FAM131C: variants seen among roughly 807,000 people sequenced by gnomAD.
The protein encoded by FAM131C is protein FAM131C.
Under a neutral mutation model 29.8 loss-of-function variants are expected in FAM131C, and 14 were observed. The observed-to-expected ratio is 0.47, with a 90% CI of 0.31 to 0.73. The LOEUF is 0.73. Ranked by LOEUF, FAM131C falls within the 30% of genes least tolerant of loss-of-function variation. The probability of loss-of-function intolerance (pLI) is 0.05; values close to 1 mark genes in which losing one functional copy is unlikely to be tolerated. For missense variants in FAM131C, 252 were observed against 383.8 expected, an observed-to-expected ratio of 0.66 and a Z score of 2.87; for synonymous variants, 86 against 157.8, an observed-to-expected ratio of 0.54 and a Z score of 3.41.
chr1:16,060,088 A>G, intron 4 of FAM131C, 37 bp from the exon 5 acceptor site: 1 of 1,167,422 alleles, frequency 8.6e-7, no homozygotes, highest in Non-Finnish European at 1.2e-6. Context: ...CTGTCCTGAC[A>G]CAAGGCTCAG....
intron 1 of FAM131C, among the ~76,000 whole-genome samples, chr1:16,068,177 C>T (rs1428159791): frequency 1.3e-5 from 2 of 152,238 alleles, no homozygotes; most frequent in Non-Finnish European, 2.9e-5. Flanking sequence ...CCGGGCTCTG[C>T]CCTTGGCTCT....
chr1:16,073,598 C>A lies in FAM131C; in HGVS notation c.-156G>T, dbSNP rs575476195. 2 of 251,360 alleles carry A rather than the reference C, an allele frequency of 8.0e-6. No individual in the cohort carries two copies. Among genetic ancestry groups the A allele is most frequent in the South Asian group, 1.6e-4 (1 of 6,238 alleles). The allele number at this position is 251,360 out of a possible 1,614,324, so 15.6% of individuals were successfully genotyped here. A position where few individuals can be genotyped will look rare whatever the true frequency, so the allele number is the denominator to read the frequency against. On this transcript the variant is annotated 5_prime_UTR_variant, in exon 1 of 7. Transcript: ENST00000375662. The stretch of plus-strand genomic sequence containing the variant: ...GCTCGGCCTCAGCTCCAGCCTGGGT[C>A]GTCCCTGCTGCCGCCGCGCCCGGCT...
In FAM131C at chr1:16,073,503, T is replaced by A. The variant is rs900381280; in HGVS notation, c.-61A>T. The A allele has an allele frequency of 1.9e-6, 2 of 1,075,962 alleles. No homozygotes were observed. The highest frequency in any genetic ancestry group is 1.7e-5 in the African/African-American group (1 of 60,506). The allele number at this position is 1,075,962 out of a possible 1,614,324, so 66.7% of individuals were successfully genotyped here. ...TGCGTGGGGCCGCGGGGCGTTCATG[T>A]CTCCGCGGGCCCGGGGCTGAGCGCT... On this transcript the variant is annotated 5_prime_UTR_variant, in exon 1 of 7. Transcript: ENST00000375662.
At chr1:16,069,762 C>A (rs1034639235) in intron 1 of FAM131C, among the ~76,000 whole-genome samples, 35 of 152,216 alleles carry the variant, frequency 2.3e-4, no homozygotes, top group African/African-American at 8.2e-4. Flanking sequence ...TGGCCATATA[C>A]TTAGCACCTC....
intron 1 of FAM131C, among the ~76,000 whole-genome samples, chr1:16,070,812 T>C (rs1482335629): frequency 2.0e-5 from 3 of 152,204 alleles, no homozygotes; most frequent in South Asian, 2.1e-4. Flanking sequence ...AACACTGAGA[T>C]ACACACACAA....
chr1:16,063,825 G>A (rs563530546), intron 1 of FAM131C, among the ~76,000 whole-genome samples, 189 bp from the exon 2 acceptor site: 7 of 150,998 alleles, frequency 4.6e-5, no homozygotes, highest in South Asian at 2.1e-4. Flanking sequence ...GCCCCTCAGC[G>A]GGAATTACTG....
At position 16,058,359 on chromosome 1, in the gene FAM131C, C is replaced by G. The variant is rs564741869; in HGVS notation, c.*78G>C. ...TCAAGGGATGCCCTGCCCTGGACCC[C>G]GGGGTCCAGATATGCCTGGGCTGCC... On this transcript the variant is annotated 3_prime_UTR_variant, in exon 7 of 7. Coordinates refer to ENST00000375662, the MANE Select transcript of FAM131C (RefSeq NM_182623.3). 4.4e-5 allele frequency: 60 copies of G among 1,377,588 alleles called. No individual in the cohort carries two copies. Among genetic ancestry groups the G allele is most frequent in the Non-Finnish European group, 5.6e-5 (58 of 1,042,584 alleles). 85.3% of individuals were successfully genotyped at this position (1,377,588 alleles called of 1,614,324 possible).
At chr1:16,071,950 C>T (rs575177532) in intron 1 of FAM131C, among the ~76,000 whole-genome samples, 58 of 152,226 alleles carry the variant, frequency 3.8e-4, no homozygotes, top group Non-Finnish European at 7.3e-4. Flanking sequence ...TGAGGAAACA[C>T]TCAGATCCCC....
In FAM131C at chr1:16,058,370, T is replaced by C. The variant is rs2023517633; in HGVS notation, c.*67A>G. 7.1e-7 allele frequency: 1 copy of C among 1,398,966 alleles called. No homozygotes were observed. Among genetic ancestry groups the C allele is most frequent in the Non-Finnish European group, 9.4e-7 (1 of 1,059,616 alleles). The allele number at this position is 1,398,966 out of a possible 1,614,324, so 86.7% of individuals were successfully genotyped here. A position where few individuals can be genotyped will look rare whatever the true frequency, so the allele number is the denominator to read the frequency against. ...CCTGCCCTGGACCCCGGGGTCCAGA[T>C]ATGCCTGGGCTGCCCACCAGGCGAG... On this transcript the variant is annotated 3_prime_UTR_variant, in exon 7 of 7. Transcript: ENST00000375662.
In FAM131C at chr1:16,058,218, T is replaced by C. The variant is rs2023514361; in HGVS notation, c.*219A>G. ...GAAGGTGCCCACCTGAGTGAAGTAA[T>C]GAAGGGGGAGGGGGTTATGGCTCCC... On this transcript the variant is annotated 3_prime_UTR_variant, in exon 7 of 7. Transcript: ENST00000375662. 3 of 404,310 alleles carry C rather than the reference T, an allele frequency of 7.4e-6. No homozygotes were observed. The highest frequency in any genetic ancestry group is 4.2e-5 in the Admixed American group (1 of 23,960). 25.0% of individuals were successfully genotyped at this position (404,310 alleles called of 1,614,324 possible). A position where few individuals can be genotyped will look rare whatever the true frequency, so the allele number is the denominator to read the frequency against.
intron 1 of FAM131C, among the ~76,000 whole-genome samples, chr1:16,069,351 G>A (rs997708175): frequency 6.6e-6 from 1 of 152,214 alleles, no homozygotes; most frequent in East Asian, 1.9e-4. Context: ...CTCAGTGCCT[G>A]GTGTAGGACT....
At chr1:16,060,444 A>G (rs1469711620) in intron 4 of FAM131C, among the ~76,000 whole-genome samples, 1 of 137,280 alleles carries the variant, frequency 7.3e-6, no homozygotes, top group Non-Finnish European at 1.6e-5. Context: ...CCACCCAAGG[A>G]CCACTCATGA....
rs2023573764 is a variant in FAM131C, at chr1:16,060,066, G to A, written c.269-15C>T. On this transcript the variant is annotated splice_polypyrimidine_tract_variant and intron_variant, in intron 4 of 6. Transcript: ENST00000375662. Reference sequence around the variant, plus strand: ...CTGCACCACCCCTGGGGCATGGAGGGCATCTGGGTGACTGTCCTGACACAA... The same window carrying A: ...CTGCACCACCCCTGGGGCATGGAGGACATCTGGGTGACTGTCCTGACACAA... The A allele has an allele frequency of 3.8e-6, 5 of 1,326,474 alleles. No homozygotes were observed. The highest frequency in any genetic ancestry group is 5.1e-6 in the Non-Finnish European group (5 of 980,842). 82.2% of individuals were successfully genotyped at this position (1,326,474 alleles called of 1,614,324 possible).
At chr1:16,062,449 C>G (rs60570545) in intron 3 of FAM131C, 50 bp downstream of exon 3, 3 of 1,477,646 alleles carry the variant, frequency 2.0e-6, no homozygotes, top group Non-Finnish European at 2.7e-6. Context: ...ATGGAGGGGC[C>G]GTGGTGTCAG....
At chr1:16,065,482 TG>T (rs1323088463) in intron 1 of FAM131C, among the ~76,000 whole-genome samples, 1 of 152,228 alleles carries the variant, frequency 6.6e-6, no homozygotes. Flanking sequence ...GGGGACCATG[TG>T]GGTGCTGCCC....
At chr1:16,062,392 C>CG (rs2023613921) in intron 3 of FAM131C, 107 bp downstream of exon 3, 6 of 1,291,204 alleles carry the variant, frequency 4.6e-6, no homozygotes, top group African/African-American at 1.6e-5. Context: ...CCCCCCCCCC[C>CG]CCGCCCCAGG....
At chr1:16,069,826 A>G (rs2023730070) in intron 1 of FAM131C, among the ~76,000 whole-genome samples, 1 of 152,136 alleles carries the variant, frequency 6.6e-6, no homozygotes, top group Admixed American at 6.5e-5. Context: ...CGGTGGAGTA[A>G]TCACAGCTCA....
Position 16,073,418 on chromosome 1 carries a change from C to G in FAM131C, c.22+3G>C. ...CCCCCCGCCCCCGGCCGGGCCCCCTCACCTCGCGACACGCAGGAGCCCATC... is the reference window on the plus strand; with the variant it reads ...CCCCCCGCCCCCGGCCGGGCCCCCTGACCTCGCGACACGCAGGAGCCCATC... On this transcript the variant is annotated splice_donor_region_variant and intron_variant, in intron 1 of 6. Transcript: ENST00000375662. 8.2e-7 allele frequency: 1 copy of G among 1,212,434 alleles called. No homozygotes were observed. The highest frequency in any genetic ancestry group is 1.0e-6 in the Non-Finnish European group (1 of 974,860). The allele number at this position is 1,212,434 out of a possible 1,614,324, so 75.1% of individuals were successfully genotyped here.
intron 1 of FAM131C, among the ~76,000 whole-genome samples, chr1:16,070,093 G>A (rs887946603): frequency 6.6e-6 from 1 of 152,110 alleles, no homozygotes; most frequent in African/African-American, 2.4e-5. Flanking sequence ...GCAAAGGACG[G>A]GGTTTCCACA....
Sources: allele counts gnomAD v4.1 joint callset (sites outside exome capture counted in the v4.1 genomes callset), GRCh38; gene constraint gnomAD v4.1.1; transcripts MANE v1.5; gene names NCBI Gene and HGNC (gene_info 2026-07-23, HGNC 2026-07-21).